The following WSCD2 variants were observed in gnomAD, a reference collection of about 807,000 sequenced individuals.
The protein encoded by WSCD2 is WSC domain sialate O sulfotransferase 2, also known as sialate:O-sulfotransferase 2.
A neutral mutation model predicts 55.7 loss-of-function variants in WSCD2; 28 were observed. The observed-to-expected ratio is 0.50, with a 90% CI of 0.37 to 0.69. The LOEUF (loss-of-function observed/expected upper bound fraction) is 0.69, where lower values mean the gene tolerates loss of function less well. WSCD2 is among the 30% of genes least tolerant of loss of function. WSCD2 has a pLI of 0.00. For synonymous variants in WSCD2, 301 were observed against 301.9 expected, an observed-to-expected ratio of 1.00 and a Z score of 0.03; for missense variants, 616 against 762.1, an observed-to-expected ratio of 0.81 and a Z score of 2.26.
At chr12:108,219,807 C>G (rs932062400) in intron 4 of WSCD2, among the ~76,000 whole-genome samples, 1 of 152,258 alleles carries the variant, frequency 6.6e-6, no homozygotes, top group African/African-American at 2.4e-5. Context: ...CCCCAAAATA[C>G]TGTCTGTAGC....
chr12:108,234,138 T>A (rs369351921), intron 7 of WSCD2, among the ~76,000 whole-genome samples: 2 of 152,320 alleles, frequency 1.3e-5, no homozygotes, highest in African/African-American at 4.8e-5. Flanking sequence ...GCTGATGAGC[T>A]AAAAATAAAA....
At chr12:108,206,909 A>G (rs1384883966) in intron 3 of WSCD2, among the ~76,000 whole-genome samples, 3 of 152,280 alleles carry the variant, frequency 2.0e-5, no homozygotes, top group Non-Finnish European at 4.4e-5. Context: ...ATGTGCATGC[A>G]GATGAGTAAG....
At chr12:108,233,497 C>T (rs1021432717) in intron 7 of WSCD2, among the ~76,000 whole-genome samples, 2 of 152,162 alleles carry the variant, frequency 1.3e-5, no homozygotes, top group Non-Finnish European at 2.9e-5. Context: ...GTTGAGATTG[C>T]CAAAGATGTT....
chr12:108,214,532 G>A (rs1349863422), intron 4 of WSCD2, among the ~76,000 whole-genome samples: 1 of 152,196 alleles, frequency 6.6e-6, no homozygotes, highest in Non-Finnish European at 1.5e-5. Context: ...GGCAAGTGTA[G>A]CTCTCCTCCC....
At chr12:108,206,474 T>C in intron 3 of WSCD2, 71 bp downstream of exon 3, 1 of 1,476,830 alleles carries the variant, frequency 6.8e-7, no homozygotes, top group Non-Finnish European at 9.4e-7. Context: ...GTGGTATTCT[T>C]TGCCCTGCTA....
intron 8 of WSCD2, among the ~76,000 whole-genome samples, chr12:108,244,950 A>G (rs1188728999): frequency 6.6e-6 from 1 of 152,180 alleles, no homozygotes; most frequent in Non-Finnish European, 1.5e-5. Flanking sequence ...ATATGCATGC[A>G]CAAACATGTA....
At chr12:108,208,130 C>T (rs1885652001) in intron 3 of WSCD2, among the ~76,000 whole-genome samples, 2 of 152,116 alleles carry the variant, frequency 1.3e-5, no homozygotes, top group South Asian at 4.2e-4. Context: ...GGACCTGATT[C>T]CAGGTGCTGG....
intron 8 of WSCD2, among the ~76,000 whole-genome samples, chr12:108,241,514 C>T (rs1386280823): frequency 6.6e-6 from 1 of 152,136 alleles, no homozygotes; most frequent in East Asian, 1.9e-4. Context: ...GATGGGATAA[C>T]CTAGGTCCAG....
intron 1 of WSCD2, among the ~76,000 whole-genome samples, chr12:108,171,267 G>T (rs933846): frequency 6.6e-6 from 1 of 152,204 alleles, no homozygotes; most frequent in South Asian, 2.1e-4. Context: ...ATTAGACTGG[G>T]AGCATGTAGG....
chr12:108,244,422 T>A, intron 8 of WSCD2: 1 of 684,658 alleles, frequency 1.5e-6, no homozygotes, highest in East Asian at 2.7e-5. Context: ...TGGACTAAAA[T>A]GATGGAGCAT....
intron 1 of WSCD2, among the ~76,000 whole-genome samples, chr12:108,130,747 C>G (rs1011589832): frequency 6.6e-6 from 1 of 152,036 alleles, no homozygotes; most frequent in Non-Finnish European, 1.5e-5. Context: ...GAGACCATTC[C>G]TATTGGAGCC....
intron 4 of WSCD2, among the ~76,000 whole-genome samples, chr12:108,219,363 C>T (rs1028164875): frequency 6.6e-6 from 1 of 152,182 alleles, no homozygotes; most frequent in Non-Finnish European, 1.5e-5. Flanking sequence ...CATCCACATG[C>T]CCAGACAGGT....
intron 1 of WSCD2, among the ~76,000 whole-genome samples, chr12:108,133,265 C>T (rs1433026213): frequency 2.0e-5 from 3 of 152,038 alleles, no homozygotes; most frequent in African/African-American, 4.8e-5. Flanking sequence ...TCTGTGTGCA[C>T]GTGAGTGTCT....
intron 1 of WSCD2, among the ~76,000 whole-genome samples, chr12:108,172,801 G>A (rs1200588921): frequency 6.6e-6 from 1 of 152,130 alleles, no homozygotes; most frequent in Non-Finnish European, 1.5e-5. Context: ...GTTGTTTTAA[G>A]CCACCCAGTT....
At chr12:108,154,161 A>G (rs1329199360) in intron 1 of WSCD2, among the ~76,000 whole-genome samples, 1 of 152,206 alleles carries the variant, frequency 6.6e-6, no homozygotes, top group African/African-American at 2.4e-5. Flanking sequence ...TTAGTTTCCA[A>G]TAGCTGCTGT....
At chr12:108,152,648 G>A (rs1250638570) in intron 1 of WSCD2, among the ~76,000 whole-genome samples, 4 of 152,208 alleles carry the variant, frequency 2.6e-5, no homozygotes, top group Admixed American at 2.6e-4. Flanking sequence ...TTGGAGGCCA[G>A]GTGGGTGGTA....
intron 1 of WSCD2, among the ~76,000 whole-genome samples, chr12:108,166,121 T>C (rs1224736752): frequency 6.6e-6 from 1 of 152,232 alleles, no homozygotes; most frequent in Non-Finnish European, 1.5e-5. Flanking sequence ...AACACTGATG[T>C]ATTGAAAAGC....
chr12:108,187,196 C>A (rs1206448237), intron 1 of WSCD2, among the ~76,000 whole-genome samples: 1 of 152,204 alleles, frequency 6.6e-6, no homozygotes, highest in Non-Finnish European at 1.5e-5. Context: ...GGGTAATATG[C>A]TGCAAACACA....
intron 1 of WSCD2, among the ~76,000 whole-genome samples, chr12:108,166,108 A>G (rs750558275): frequency 2.5e-4 from 38 of 152,232 alleles, no homozygotes; most frequent in Admixed American, 7.9e-4. Flanking sequence ...CTACACTTTG[A>G]GAAACACTGA....
Sources: gnomAD v4.1 joint callset for allele counts (sites outside exome capture counted in the v4.1 genomes callset) on GRCh38, gnomAD v4.1.1 for gene constraint, MANE v1.5 for transcripts, NCBI Gene and HGNC (gene_info 2026-07-23, HGNC 2026-07-21) for gene names.